SEPTIN14: variants seen among roughly 807,000 people sequenced by gnomAD.
The protein encoded by SEPTIN14 is septin 14.
A neutral mutation model predicts 53.6 loss-of-function variants in SEPTIN14; 40 were observed. The ratio of observed to expected loss-of-function variants is 0.75; its 90% CI spans 0.58 to 0.97. The LOEUF (loss-of-function observed/expected upper bound fraction) is 0.97. Among genes scored for constraint, SEPTIN14 ranks in the 50% least tolerant of loss-of-function variants. SEPTIN14 has a pLI of 0.00. For missense variants in SEPTIN14, 471 were observed against 508.2 expected (o/e 0.93, Z 0.70); for synonymous variants, 138 against 166.8 (o/e 0.83, Z 1.33).
intron 5 of SEPTIN14, among the ~76,000 whole-genome samples, chr7:55,836,304 TATA>T (rs1789203775): frequency 1.3e-5 from 2 of 152,224 alleles, no homozygotes; most frequent in African/African-American, 4.8e-5. Context: ...TACAAAATTA[TATA>T]ATGTTTTATT....
At chr7:55,811,076 C>T in intron 7 of SEPTIN14, 2 of 459,096 alleles carry the variant, frequency 4.4e-6, no homozygotes, top group South Asian at 1.8e-5. Flanking sequence ...CTTGTATCAC[C>T]TTTCGTGTTT....
At chr7:55,809,081 TA>T (rs1293660881) in intron 7 of SEPTIN14, among the ~76,000 whole-genome samples, 4 of 151,924 alleles carry the variant, frequency 2.6e-5, no homozygotes, top group South Asian at 2.1e-4. Context: ...TACACAGCCA[TA>T]AAAAAAGAAC....
intron 5 of SEPTIN14, among the ~76,000 whole-genome samples, chr7:55,836,475 A>G (rs997720034): frequency 2.0e-5 from 3 of 152,226 alleles, no homozygotes; most frequent in Non-Finnish European, 4.4e-5. Flanking sequence ...GCAGTGGCTC[A>G]CGCCTGTAAT....
intron 6 of SEPTIN14, among the ~76,000 whole-genome samples, chr7:55,828,601 G>C (rs529127231): frequency 1.3e-5 from 2 of 152,098 alleles, no homozygotes; most frequent in Non-Finnish European, 2.9e-5. Context: ...ACTGCACCCG[G>C]CCAGATGAAA....
At chr7:55,854,561 C>T (rs993128141) in intron 2 of SEPTIN14, among the ~76,000 whole-genome samples, 11 of 152,120 alleles carry the variant, frequency 7.2e-5, no homozygotes, top group Non-Finnish European at 1.5e-4. Flanking sequence ...TCCTGAGCAG[C>T]TGGGACCATA....
chr7:55,818,207 C>A (rs1788828309), intron 7 of SEPTIN14, among the ~76,000 whole-genome samples: 1 of 152,102 alleles, frequency 6.6e-6, no homozygotes, highest in Non-Finnish European at 1.5e-5. Flanking sequence ...CACGGTGGCT[C>A]ATGCCTGTAA....
chr7:55,819,168 CT>C lies in SEPTIN14; in HGVS notation c.775del (p.Arg259GlyfsTer38). ...GSTDEVKVGK[R>X]MVRGRHYPWG... ...AGGGTAGTGACGGCCTCTGACCATC[CT>C]TTTTCCAACTTTCACTTCATCTGTA... On this transcript the variant is annotated frameshift_variant, in exon 7 of 10. Transcript: ENST00000388975. LOFTEE classifies it high-confidence loss of function. 6 of 1,585,310 alleles carry C rather than the reference CT, an allele frequency of 3.8e-6. No individual in the cohort carries two copies. In the Admixed American group the frequency reaches 5.4e-5, roughly 14 times the overall value.
At chr7:55,824,522 T>C (rs564915970) in intron 6 of SEPTIN14, among the ~76,000 whole-genome samples, 5 of 151,944 alleles carry the variant, frequency 3.3e-5, no homozygotes, top group African/African-American at 9.6e-5. Context: ...GTGGCTCACA[T>C]CTGTAATCCC....
At chr7:55,797,170 C>T (rs765565494) in intron 9 of SEPTIN14, among the ~76,000 whole-genome samples, 5 of 151,786 alleles carry the variant, frequency 3.3e-5, no homozygotes, top group Non-Finnish European at 5.9e-5. Flanking sequence ...AATGAGACAC[C>T]ATTAGGCAAA....
At chr7:55,844,744 A>G in intron 3 of SEPTIN14, 26 bp from the exon 4 acceptor site, 1 of 1,324,406 alleles carries the variant, frequency 7.6e-7, no homozygotes, top group Non-Finnish European at 1.0e-6. Flanking sequence ...AGTCATTGTC[A>G]TAGGGACATA....
chr7:55,860,273 GAAGT>G (rs1451891562), intron 2 of SEPTIN14, among the ~76,000 whole-genome samples: 3 of 152,022 alleles, frequency 2.0e-5, no homozygotes, highest in Non-Finnish European at 2.9e-5. Flanking sequence ...TATGTTAAGT[GAAGT>G]AAGTCAGACA....
In SEPTIN14 at chr7:55,836,030, C is replaced by A. The variant is rs187829999; in HGVS notation, c.559-1444G>T. On this transcript the variant is annotated intron_variant, in intron 5 of 9. Coordinates refer to ENST00000388975, the MANE Select transcript of SEPTIN14 (RefSeq NM_207366.3). ...TGTTGGGATTATAGGCATGAGCCAC[C>A]ACACCTGGCCTGGTTACCATATTCT... 4.6e-5 allele frequency among the ~76,000 whole-genome samples: 7 copies of A among 152,134 alleles called. No individual in the cohort carries two copies. In the East Asian group the frequency reaches 1.4e-3, roughly 29 times the overall value.
At chr7:55,811,496 C>CTTTTTTTTTTT (rs1170803437) in intron 7 of SEPTIN14, 2 of 170,710 alleles carry the variant, frequency 1.2e-5, no homozygotes, top group African/African-American at 8.2e-5. Flanking sequence ...TTTTACAGTT[C>CTTTTTTTTTTT]TTTTTTTTTT....
At chr7:55,844,487 G>GA in intron 4 of SEPTIN14, 36 bp downstream of exon 4, 1 of 1,263,162 alleles carries the variant, frequency 7.9e-7, no homozygotes, top group Non-Finnish European at 1.1e-6. Context: ...CTTGAAATAA[G>GA]AAAACCTTTT....
At chr7:55,846,709 T>C (rs1789423199) in intron 2 of SEPTIN14, 72 bp from the exon 3 acceptor site, 1 of 748,878 alleles carries the variant, frequency 1.3e-6, no homozygotes, top group African/African-American at 1.8e-5. Context: ...AAAATGATTA[T>C]AGTACATCAA....
chr7:55,814,211 A>G (rs1449441119), intron 7 of SEPTIN14, among the ~76,000 whole-genome samples: 1 of 152,182 alleles, frequency 6.6e-6, no homozygotes, highest in African/African-American at 2.4e-5. Context: ...GAATACTTAG[A>G]AAACCTTCTC....
chr7:55,795,942 T>C lies in SEPTIN14; in HGVS notation c.1270A>G (p.Thr424Ala). Residue 424 changes from threonine (T) to alanine (A), a missense_variant, in exon 10 of 10, where the codon ACA (threonine) becomes GCA (alanine). Thr to Ala is a moderately conservative substitution (Grantham distance 58, BLOSUM62 0). Coordinates refer to ENST00000388975, the MANE Select transcript of SEPTIN14 (RefSeq NM_207366.3). The stretch of plus-strand genomic sequence containing the variant: ...TTCTTACGATGTTTGTCTTTCTTTG[T>C]ATCGGTGCTCAGCTGAGTCTGCAGT... ...EALQTQLSTD[T>A]KKDKHRKK 1 of 1,594,842 alleles carries C rather than the reference T, an allele frequency of 6.3e-7. No individual in the cohort carries two copies.
intron 9 of SEPTIN14, among the ~76,000 whole-genome samples, chr7:55,801,054 C>T (rs549865266): frequency 1.6e-4 from 25 of 152,020 alleles, no homozygotes; most frequent in African/African-American, 6.0e-4. Flanking sequence ...TGGGATACAG[C>T]AAAAGCAGTT....
At chr7:55,838,274 C>G (rs1188793161) in intron 5 of SEPTIN14, among the ~76,000 whole-genome samples, 1 of 152,122 alleles carries the variant, frequency 6.6e-6, no homozygotes, top group Non-Finnish European at 1.5e-5. Context: ...GCAGTAGCTG[C>G]CTGCAGGCTC....
Sources: allele counts gnomAD v4.1 joint callset (sites outside exome capture counted in the v4.1 genomes callset), GRCh38; gene constraint gnomAD v4.1.1; transcripts MANE v1.5; gene names NCBI Gene and HGNC (gene_info 2026-07-23, HGNC 2026-07-21).